The following KLF12 variants were observed in gnomAD, a reference collection of about 807,000 sequenced individuals.
KLF12 encodes KLF transcription factor 12.
KLF12 carries 9 observed loss-of-function variants against 37.8 expected under a neutral mutation model. The ratio of observed to expected loss-of-function variants is 0.24; its 90% CI spans 0.14 to 0.42. KLF12 has a LOEUF of 0.42. Among genes scored for constraint, KLF12 ranks in the 10% least tolerant of loss-of-function variants. The probability of loss-of-function intolerance (pLI) is 1.00; values close to 1 mark genes in which losing one functional copy is unlikely to be tolerated. For synonymous variants in KLF12, 208 were observed against 202.1 expected, an observed-to-expected ratio of 1.03 and a Z score of -0.25; for missense variants, 411 against 516.0, an observed-to-expected ratio of 0.80 and a Z score of 1.97.
chr13:74,171,158 C>A, the KLF12 span, among the ~76,000 whole-genome samples: 1 of 152,134 alleles, frequency 6.6e-6, no homozygotes, highest in African/African-American at 2.4e-5. Context: ...CTCCTGATGC[C>A]AAATCCCATG....
chr13:73,938,503 C>T (rs1377729956), intron 3 of KLF12, among the ~76,000 whole-genome samples: 1 of 152,214 alleles, frequency 6.6e-6, no homozygotes, highest in Non-Finnish European at 1.5e-5. Flanking sequence ...AACAGCCTCT[C>T]ACTTACAACA....
At chr13:74,112,384 T>TGTGTG (rs1877027840) in intron 1 of KLF12, among the ~76,000 whole-genome samples, 1 of 145,166 alleles carries the variant, frequency 6.9e-6, no homozygotes, top group Non-Finnish European at 1.5e-5. Flanking sequence ...TTTGCAGATA[T>TGTGTG]TGTCTGTGTG....
chr13:74,262,693 A>C, the KLF12 span, among the ~76,000 whole-genome samples: 9 of 152,320 alleles, frequency 5.9e-5, no homozygotes, highest in Middle Eastern at 3.4e-3. Context: ...AGTTGGTTCA[A>C]TCCCTGAATG....
intron 3 of KLF12, among the ~76,000 whole-genome samples, chr13:73,931,461 T>C (rs960473572): frequency 6.6e-6 from 1 of 152,152 alleles, no homozygotes; most frequent in Admixed American, 6.5e-5. Context: ...TCTCTATTTA[T>C]ATATATTTAT....
the KLF12 span, among the ~76,000 whole-genome samples, chr13:74,233,873 A>G: frequency 1.3e-5 from 2 of 152,236 alleles, no homozygotes; most frequent in African/African-American, 4.8e-5. Context: ...CTTTCTATAT[A>G]CCAGAAATGA....
chr13:74,071,555 T>C lies in KLF12; in HGVS notation c.-32+62184A>G, dbSNP rs535053833. ...AAAATACAAAAAAATTAGCCGGGCG[T>C]GGTGGCAGGCGCCTGTAGTCCCAGC... On this transcript the variant is annotated intron_variant, in intron 1 of 7. Coordinates refer to ENST00000377669, the MANE Select transcript of KLF12 (RefSeq NM_007249.5). Among the ~76,000 whole-genome samples, 17 of 150,274 alleles carry C rather than the reference T, an allele frequency of 1.1e-4. No individual in the cohort carries two copies. In the South Asian group the frequency reaches 1.9e-3, roughly 17 times the overall value.
chr13:73,694,859 A>G lies in KLF12; in HGVS notation c.*631T>C, dbSNP rs561444327. ...CAACGACAAACAAATGAAAGATTCA[A>G]TGTTGGTTTTCTTCAGGGCATGGCA... On this transcript the variant is annotated 3_prime_UTR_variant, in exon 8 of 8. Coordinates refer to ENST00000377669, the MANE Select transcript of KLF12 (RefSeq NM_007249.5). The G allele has an allele frequency of 1.3e-5, 2 of 152,808 alleles. No individual in the cohort carries two copies. The highest frequency in any genetic ancestry group is 3.9e-4 in the East Asian group (2 of 5,184). 9.5% of individuals were successfully genotyped at this position (152,808 alleles called of 1,614,324 possible).
intron 3 of KLF12, among the ~76,000 whole-genome samples, chr13:73,907,481 C>T (rs1888357047): frequency 6.6e-6 from 1 of 152,096 alleles, no homozygotes; most frequent in African/African-American, 2.4e-5. Flanking sequence ...TTCCTAATTC[C>T]AACATTTATT....
chr13:74,130,918 T>C (rs928144406), intron 1 of KLF12, among the ~76,000 whole-genome samples: 1 of 152,234 alleles, frequency 6.6e-6, no homozygotes, highest in Non-Finnish European at 1.5e-5. Context: ...GTGATCATTG[T>C]AATATTATTA....
chr13:73,846,337 C>T lies in KLF12; in HGVS notation c.160G>A (p.Val54Ile), dbSNP rs376189616. 3.1e-5 allele frequency: 50 copies of T among 1,613,626 alleles called. No individual in the cohort carries two copies. The highest frequency in any genetic ancestry group is 4.4e-5 in the South Asian group (4 of 91,054). ...TTCACATTATTTAGCAACAGGGGAACGGCTTCCATATCGGGATAGTTGTGG... is the reference window on the plus strand; with the variant it reads ...TTCACATTATTTAGCAACAGGGGAATGGCTTCCATATCGGGATAGTTGTGG... The change falls in exon 4 of 8, where the codon GTT becomes ATT. Residue 54 changes from valine to isoleucine, a missense_variant. Transcript: ENST00000377669.
chr13:73,954,923 C>T (rs752621536), intron 2 of KLF12, among the ~76,000 whole-genome samples: 3 of 152,188 alleles, frequency 2.0e-5, no homozygotes, highest in Non-Finnish European at 2.9e-5. Context: ...GAATTCTGTA[C>T]ACTTTCATTA....
intron 1 of KLF12, among the ~76,000 whole-genome samples, chr13:74,115,065 C>T (rs997327695): frequency 7.9e-5 from 12 of 152,138 alleles, no homozygotes; most frequent in African/African-American, 2.4e-4. Flanking sequence ...ATGAAACCAG[C>T]CCTGGTGCCA....
chr13:73,888,081 C>A (rs1001651439), intron 3 of KLF12, among the ~76,000 whole-genome samples: 1 of 151,974 alleles, frequency 6.6e-6, no homozygotes, highest in African/African-American at 2.4e-5. Flanking sequence ...TGGCTTACTG[C>A]AACCTTTGCA....
At chr13:73,781,673 T>C (rs982607762) in intron 5 of KLF12, among the ~76,000 whole-genome samples, 1 of 152,160 alleles carries the variant, frequency 6.6e-6, no homozygotes, top group Non-Finnish European at 1.5e-5. Context: ...ATTTTTGCTT[T>C]GGCAAAAAAG....
chr13:73,720,260 C>G (rs907330272), intron 6 of KLF12, among the ~76,000 whole-genome samples: 1 of 152,130 alleles, frequency 6.6e-6, no homozygotes, highest in Non-Finnish European at 1.5e-5. Flanking sequence ...CTCTGCCTTA[C>G]CTATGCTTTC....
chr13:74,133,714 G>T (rs1000537898), intron 1 of KLF12, among the ~76,000 whole-genome samples: 1 of 149,854 alleles, frequency 6.7e-6, no homozygotes. Flanking sequence ...TGTTTATTTT[G>T]ATAAGAAACG....
At chr13:73,877,863 G>A (rs1279005903) in intron 3 of KLF12, among the ~76,000 whole-genome samples, 4 of 152,096 alleles carry the variant, frequency 2.6e-5, no homozygotes, top group Non-Finnish European at 5.9e-5. Flanking sequence ...CTGGAAACTG[G>A]CAGCTCTAAA....
chr13:73,766,118 G>A (rs1050955544), intron 5 of KLF12, among the ~76,000 whole-genome samples: 9 of 152,176 alleles, frequency 5.9e-5, no homozygotes, highest in Non-Finnish European at 7.3e-5. Flanking sequence ...TTTCCTCACA[G>A]CGCTTCTCAA....
At chr13:73,728,242 A>G (rs540720283) in intron 6 of KLF12, among the ~76,000 whole-genome samples, 22 of 149,816 alleles carry the variant, frequency 1.5e-4, no homozygotes, top group Admixed American at 1.2e-3. Context: ...TCGTTTTCTT[A>G]AATTAATTTT....
Sources: gnomAD v4.1 joint callset for allele counts (sites outside exome capture counted in the v4.1 genomes callset) on GRCh38, gnomAD v4.1.1 for gene constraint, MANE v1.5 for transcripts, NCBI Gene and HGNC (gene_info 2026-07-23, HGNC 2026-07-21) for gene names.